Variants in ARID4B observed in about 807,000 individuals in gnomAD.
ARID4B encodes the protein AT-rich interaction domain 4B.
In ARID4B, 26 loss-of-function variants were observed where a neutral mutation model predicts 147.5. That is an observed-to-expected ratio of 0.18 (90% CI 0.13 to 0.24). ARID4B has a LOEUF of 0.24. Ranked by LOEUF, ARID4B falls within the 10% of genes least tolerant of loss-of-function variation. The probability of loss-of-function intolerance (pLI) is 1.00; values close to 1 mark genes in which losing one functional copy is unlikely to be tolerated. For synonymous variants in ARID4B, 512 were observed against 507.9 expected, an observed-to-expected ratio of 1.01 and a Z score of -0.11; for missense variants, 1,179 against 1,511.5, an observed-to-expected ratio of 0.78 and a Z score of 3.65.
chr1:235,242,835 T>C (rs1342314545), intron 7 of ARID4B, among the ~76,000 whole-genome samples: 11 of 152,184 alleles, frequency 7.2e-5, no homozygotes, highest in Admixed American at 7.2e-4. Flanking sequence ...TCTCCATTTT[T>C]AGACTAGATG....
intron 2 of ARID4B, among the ~76,000 whole-genome samples, chr1:235,264,157 G>C (rs1670456802): frequency 6.6e-6 from 1 of 152,118 alleles, no homozygotes; most frequent in Admixed American, 6.6e-5. Flanking sequence ...ATTATCTCAG[G>C]TAAGTTACTT....
chr1:235,326,144 T>C (rs1225944964), intron 2 of ARID4B, among the ~76,000 whole-genome samples: 2 of 151,882 alleles, frequency 1.3e-5, no homozygotes, highest in Admixed American at 6.6e-5. Context: ...TATTCTAGCA[T>C]GTGTTTAAAA....
intron 17 of ARID4B, among the ~76,000 whole-genome samples, chr1:235,201,301 A>G (rs563106619): frequency 1.3e-5 from 2 of 152,294 alleles, no homozygotes; most frequent in African/African-American, 2.4e-5. Flanking sequence ...CATCCCCGAA[A>G]GTACATTCTT....
chr1:235,272,215 T>C (rs12060579), intron 2 of ARID4B, among the ~76,000 whole-genome samples: 6,238 of 152,284 alleles, frequency 0.041, 475 homozygotes, highest in African/African-American at 0.14. Flanking sequence ...TAAATACTCA[T>C]TGATGTAACA....
chr1:235,233,406 C>A (rs959638134), intron 9 of ARID4B, among the ~76,000 whole-genome samples: 5 of 152,052 alleles, frequency 3.3e-5, no homozygotes, highest in Non-Finnish European at 7.4e-5. Context: ...GCACTCCAGC[C>A]TGGGTGAAAG....
At position 235,175,284 on chromosome 1, in the gene ARID4B, C is replaced by T. The variant is rs746920622; in HGVS notation, c.3564G>A (p.Thr1188=). 2.4e-5 allele frequency: 38 copies of T among 1,613,932 alleles called. No individual in the cohort carries two copies. Among genetic ancestry groups the T allele is most frequent in the Admixed American group, 2.2e-4 (13 of 59,998 alleles). The part of the protein sequence containing the change: ...KSHSTKSPAR[T]QSPGKCGKNG... Reference sequence around the variant, plus strand: ...TCTTTCCACATTTTCCTGGAGACTGCGTCCTTGCGGGAGATTTGGTACTAT... The same window carrying T: ...TCTTTCCACATTTTCCTGGAGACTGTGTCCTTGCGGGAGATTTGGTACTAT... The change falls in exon 22 of 24, where the codon ACG becomes ACA. Residue 1188 remains threonine, a synonymous_variant. Transcript: ENST00000264183.
At chr1:235,301,645 G>A (rs1434789843) in intron 2 of ARID4B, among the ~76,000 whole-genome samples, 1 of 150,158 alleles carries the variant, frequency 6.7e-6, no homozygotes, top group Non-Finnish European at 1.5e-5. Flanking sequence ...CACCTCCCAG[G>A]CTCAAGCAAT....
intron 17 of ARID4B, among the ~76,000 whole-genome samples, chr1:235,197,133 AG>A (rs1229347507): frequency 2.0e-5 from 3 of 152,172 alleles, no homozygotes; most frequent in Admixed American, 1.3e-4. Context: ...CAAAAAAAAA[AG>A]AATGACAGTT....
At chr1:235,255,219 C>CTATATAGATAGATAGA (rs370660682) in intron 5 of ARID4B, among the ~76,000 whole-genome samples, 10 of 127,566 alleles carry the variant, frequency 7.8e-5, no homozygotes, top group Non-Finnish European at 1.7e-4. Context: ...CTGCTGGGAG[C>CTATATAGATAGATAGA]TAGATAGATA....
At chr1:235,185,048 C>G (rs913155682) in intron 19 of ARID4B, among the ~76,000 whole-genome samples, 1 of 152,082 alleles carries the variant, frequency 6.6e-6, no homozygotes, top group Admixed American at 6.6e-5. Context: ...AACTCTTGAC[C>G]CCAAGTGATC....
At chr1:235,289,039 A>T (rs1053480991) in intron 2 of ARID4B, among the ~76,000 whole-genome samples, 2 of 152,160 alleles carry the variant, frequency 1.3e-5, no homozygotes, top group Non-Finnish European at 2.9e-5. Flanking sequence ...AAAACACACA[A>T]CCCTGGCCCC....
intron 2 of ARID4B, among the ~76,000 whole-genome samples, chr1:235,270,962 A>C (rs1429755836): frequency 6.6e-6 from 1 of 152,220 alleles, no homozygotes. Context: ...AGTAATAACT[A>C]CTGGCATGGA....
intron 2 of ARID4B, among the ~76,000 whole-genome samples, chr1:235,320,344 T>C (rs1254410322): frequency 6.6e-6 from 1 of 152,066 alleles, no homozygotes; most frequent in Non-Finnish European, 1.5e-5. Context: ...AGGACATACA[T>C]GTGCAAGTTG....
intron 2 of ARID4B, among the ~76,000 whole-genome samples, chr1:235,298,608 T>C (rs2103237332): frequency 6.7e-6 from 1 of 150,066 alleles, no homozygotes; most frequent in African/African-American, 2.4e-5. Context: ...TATATATCCA[T>C]ATATATGAAA....
rs549668847 is a variant in ARID4B, at chr1:235,220,739, CTG to C, written c.1164-196_1164-195del. Among the ~76,000 whole-genome samples the C allele has an allele frequency of 3.0e-4, 46 of 152,274 alleles. 1 individual carries two copies. The East Asian group carries it at 8.1e-3, about 27-fold the overall frequency. ...TTTGTCAAAAAATTCATTTAAAACA[CTG>C]TGCTCAGAGTCATAACAATAACAGC... On this transcript the variant is annotated intron_variant, in intron 14 of 23. Transcript: ENST00000264183.
chr1:235,212,209 C>T (rs1666762126), intron 17 of ARID4B, among the ~76,000 whole-genome samples: 2 of 152,090 alleles, frequency 1.3e-5, no homozygotes, highest in Non-Finnish European at 2.9e-5. Flanking sequence ...CGTGCCACTA[C>T]ACTCCAGCCT....
intron 11 of ARID4B, among the ~76,000 whole-genome samples, chr1:235,227,002 G>A (rs1667877274): frequency 6.6e-6 from 1 of 152,130 alleles, no homozygotes; most frequent in African/African-American, 2.4e-5. Context: ...CAAATGAACT[G>A]GTGCTTTCCT....
chr1:235,179,911 A>C (rs4660133), intron 20 of ARID4B, among the ~76,000 whole-genome samples: 63,457 of 151,144 alleles, frequency 0.42, 14,022 homozygotes, highest in South Asian at 0.6. Context: ...TCTACTAAAA[A>C]TACAAAAAAT....
At chr1:235,226,527 A>G (rs1667841320) in intron 11 of ARID4B, among the ~76,000 whole-genome samples, 1 of 131,306 alleles carries the variant, frequency 7.6e-6, no homozygotes, top group South Asian at 2.4e-4. Flanking sequence ...CGCCCAGCTA[A>G]TTTTTTTTTT....
Sources: gnomAD v4.1 joint callset for allele counts (sites outside exome capture counted in the v4.1 genomes callset) on GRCh38, gnomAD v4.1.1 for gene constraint, MANE v1.5 for transcripts, NCBI Gene and HGNC (gene_info 2026-07-23, HGNC 2026-07-21) for gene names.